CLSTN2: variants seen among roughly 807,000 people sequenced by gnomAD.
The protein encoded by CLSTN2 is calsyntenin-2.
Under a neutral mutation model 101.2 loss-of-function variants are expected in CLSTN2, and 48 were observed. The ratio of observed to expected loss-of-function variants is 0.47; its 90% CI spans 0.38 to 0.60. CLSTN2 has a LOEUF of 0.60. Among genes scored for constraint, CLSTN2 ranks in the 20% least tolerant of loss-of-function variants. The pLI is 0.00. For missense variants in CLSTN2, 1,160 were observed against 1,238.2 expected (o/e 0.94, Z 0.95); for synonymous variants, 481 against 463.6 (o/e 1.04, Z -0.48).
At chr3:140,444,256 C>T (rs1933027463) in intron 5 of CLSTN2, among the ~76,000 whole-genome samples, 1 of 152,162 alleles carries the variant, frequency 6.6e-6, no homozygotes, top group Middle Eastern at 3.4e-3. Context: ...ATGGTGAAAT[C>T]CCGTCTCTAC....
intron 1 of CLSTN2, among the ~76,000 whole-genome samples, chr3:140,139,186 G>T (rs556442547): frequency 2.0e-5 from 3 of 152,274 alleles, no homozygotes; most frequent in East Asian, 1.9e-4. Flanking sequence ...GAGTGAACTT[G>T]CATTGTAGAG....
At chr3:140,060,021 T>C (rs2008172090) in intron 1 of CLSTN2, among the ~76,000 whole-genome samples, 1 of 152,178 alleles carries the variant, frequency 6.6e-6, no homozygotes, top group African/African-American at 2.4e-5. Context: ...GCTTAATCTC[T>C]CTGGGCCTCA....
At chr3:140,415,097 G>T (rs1230276123) in intron 4 of CLSTN2, among the ~76,000 whole-genome samples, 1 of 151,384 alleles carries the variant, frequency 6.6e-6, no homozygotes, top group African/African-American at 2.4e-5. Context: ...GAATAGACTT[G>T]TGAATAAATA....
chr3:139,955,242 C>T (rs971708766), intron 1 of CLSTN2, among the ~76,000 whole-genome samples: 1 of 150,546 alleles, frequency 6.6e-6, no homozygotes, highest in Non-Finnish European at 1.5e-5. Context: ...TATGAATCCT[C>T]ACAATGCCAC....
In CLSTN2 at chr3:140,370,359, T is replaced by C. The variant is rs544797818; in HGVS notation, c.233-33270T>C. Among the ~76,000 whole-genome samples the C allele has an allele frequency of 2.6e-5, 4 of 152,290 alleles. No homozygotes were observed. In the East Asian group the frequency reaches 7.7e-4, roughly 29 times the overall value. ...GAAGTACAGTCCAGGATGGAAAGCT[T>C]GGGGTCTCTGCCTGTACCACCAGAC... On this transcript the variant is annotated intron_variant, in intron 2 of 16. Coordinates refer to ENST00000458420, the MANE Select transcript of CLSTN2 (RefSeq NM_022131.3).
intron 2 of CLSTN2, among the ~76,000 whole-genome samples, chr3:140,257,325 G>A (rs1362693284): frequency 1.3e-5 from 2 of 152,090 alleles, no homozygotes; most frequent in Non-Finnish European, 2.9e-5. Context: ...ATGACACTGT[G>A]GACAAGACAT....
Position 140,418,505 on chromosome 3 carries a change from CTTTCTTTCTTTCT to C in CLSTN2, c.638-2616_638-2604del, listed in dbSNP as rs1375747971. ...GATTATTCTAGTTCTTTCTTTCTTT[CTTTCTTTCTTTCT>C]TTTTTTTTTTTTTTTCTGAGACGGA... On this transcript the variant is annotated intron_variant, in intron 4 of 16. Transcript: ENST00000458420. Among the ~76,000 whole-genome samples, 10 of 66,472 alleles carry C rather than the reference CTTTCTTTCTTTCT, an allele frequency of 1.5e-4. No individual in the cohort carries two copies. The African/African-American group carries it at 1.8e-3, about 12-fold the overall frequency. The allele number at this position is 66,472 out of a possible 152,430, so 43.6% of individuals were successfully genotyped here. A position where few individuals can be genotyped will look rare whatever the true frequency, so the allele number is the denominator to read the frequency against.
chr3:140,427,203 ATGTG>A lies in CLSTN2; in HGVS notation c.787+5931_787+5934del, dbSNP rs1157999299. The stretch of plus-strand genomic sequence containing the variant: ...AAAAAAAATATATATATATATATAT[ATGTG>A]TATATATATATATATATGTGTGTAT... On this transcript the variant is annotated intron_variant, in intron 5 of 16. Transcript: ENST00000458420. Among the ~76,000 whole-genome samples the A allele has an allele frequency of 1.1e-4, 13 of 114,274 alleles. 1 individual carries two copies. Among genetic ancestry groups the A allele is most frequent in the East Asian group, 7.0e-4 (3 of 4,266 alleles). The allele number at this position is 114,274 out of a possible 152,430, so 75.0% of individuals were successfully genotyped here.
chr3:140,154,612 C>G (rs1330601000), intron 1 of CLSTN2, among the ~76,000 whole-genome samples: 2 of 146,280 alleles, frequency 1.4e-5, no homozygotes, highest in African/African-American at 5.0e-5. Flanking sequence ...TAAATGGTAG[C>G]AGGAGAGAGA....
At chr3:140,347,342 C>A (rs559763665) in intron 2 of CLSTN2, among the ~76,000 whole-genome samples, 3 of 152,308 alleles carry the variant, frequency 2.0e-5, no homozygotes, top group Admixed American at 2.0e-4. Flanking sequence ...GGCAGGACTG[C>A]TGAAACTTGA....
At chr3:140,338,269 C>T (rs557881718) in intron 2 of CLSTN2, among the ~76,000 whole-genome samples, 2 of 152,170 alleles carry the variant, frequency 1.3e-5, no homozygotes, top group South Asian at 4.2e-4. Context: ...TCTGCATCCA[C>T]TCCACTTTCT....
chr3:139,989,897 A>G (rs1936088730), intron 1 of CLSTN2, among the ~76,000 whole-genome samples: 1 of 152,254 alleles, frequency 6.6e-6, no homozygotes. Flanking sequence ...TGTAATGTGA[A>G]AGTTTTAATT....
chr3:139,959,377 A>T (rs1158494750), intron 1 of CLSTN2, among the ~76,000 whole-genome samples: 1 of 152,032 alleles, frequency 6.6e-6, no homozygotes, highest in African/African-American at 2.4e-5. Flanking sequence ...TAGTGTCGTT[A>T]GTTTCTTCTT....
intron 2 of CLSTN2, among the ~76,000 whole-genome samples, chr3:140,323,950 C>T (rs570044629): frequency 6.6e-6 from 1 of 152,290 alleles, no homozygotes; most frequent in South Asian, 2.1e-4. Context: ...CAATAATGTT[C>T]AAAGGCTTCA....
intron 8 of CLSTN2, among the ~76,000 whole-genome samples, chr3:140,484,115 C>T (rs984891584): frequency 2.6e-5 from 4 of 152,116 alleles, no homozygotes; most frequent in Admixed American, 6.5e-5. Flanking sequence ...TGTTCCTTTC[C>T]ATGTTTAGTG....
At chr3:140,305,435 C>T (rs1197838835) in intron 2 of CLSTN2, among the ~76,000 whole-genome samples, 1 of 152,118 alleles carries the variant, frequency 6.6e-6, no homozygotes, top group Non-Finnish European at 1.5e-5. Context: ...CATTTCAAAT[C>T]CCTTATCTCC....
At chr3:140,308,470 T>G (rs1210862620) in intron 2 of CLSTN2, among the ~76,000 whole-genome samples, 1 of 152,252 alleles carries the variant, frequency 6.6e-6, no homozygotes, top group African/African-American at 2.4e-5. Flanking sequence ...CCCTGTGTCC[T>G]GATAAATAAA....
chr3:140,388,810 G>C (rs953552925), intron 2 of CLSTN2, among the ~76,000 whole-genome samples: 9 of 152,184 alleles, frequency 5.9e-5, no homozygotes, highest in African/African-American at 2.2e-4. Context: ...CCTGATCTTA[G>C]GAAGGAAGTA....
intron 2 of CLSTN2, among the ~76,000 whole-genome samples, chr3:140,389,313 A>G (rs895389392): frequency 6.6e-6 from 1 of 152,052 alleles, no homozygotes; most frequent in African/African-American, 2.4e-5. Context: ...GACAGGCCCC[A>G]GTGTGTGTTG....
Sources: gnomAD v4.1 joint callset for allele counts (sites outside exome capture counted in the v4.1 genomes callset) on GRCh38, gnomAD v4.1.1 for gene constraint, MANE v1.5 for transcripts, NCBI Gene and HGNC (gene_info 2026-07-23, HGNC 2026-07-21) for gene names.